Variants in FGF14 observed in about 807,000 individuals in gnomAD.
The protein encoded by FGF14 is fibroblast growth factor homologous factor 4.
In FGF14, 5 loss-of-function variants were observed where a neutral mutation model predicts 25.5. The ratio of observed to expected loss-of-function variants is 0.20; its 90% CI spans 0.10 to 0.41. The LOEUF (loss-of-function observed/expected upper bound fraction) is 0.41, where lower values mean the gene tolerates loss of function less well. FGF14 is among the 10% of genes least tolerant of loss of function. The pLI, the probability that FGF14 is intolerant of heterozygous loss-of-function variation, is 1.00. For synonymous variants in FGF14, 138 were observed against 118.3 expected (o/e 1.17, Z -1.08); for missense variants, 222 against 320.1 (o/e 0.69, Z 2.34).
chr13:102,373,177 G>A (rs1048511816), intron 1 of FGF14, among the ~76,000 whole-genome samples: 1 of 152,134 alleles, frequency 6.6e-6, no homozygotes, highest in African/African-American at 2.4e-5. Context: ...TTGCGTGTTT[G>A]TGTGTGTGGT....
intron 3 of FGF14, among the ~76,000 whole-genome samples, chr13:101,738,633 T>C (rs1032305255): frequency 2.0e-5 from 3 of 152,106 alleles, no homozygotes; most frequent in African/African-American, 7.2e-5. Context: ...GGGGAGAATG[T>C]CAACCTGTGG....
chr13:101,788,909 TAGAGAGAGAGAG>T (rs781347440), intron 3 of FGF14, among the ~76,000 whole-genome samples: 54 of 31,210 alleles, frequency 1.7e-3, no homozygotes, highest in East Asian at 8.8e-3. Context: ...TATATATATA[TAGAGAGAGAGAG>T]AGAGAGAGAG....
intron 1 of FGF14, among the ~76,000 whole-genome samples, chr13:101,982,014 G>C (rs1317826651): frequency 6.6e-6 from 1 of 152,170 alleles, no homozygotes; most frequent in Non-Finnish European, 1.5e-5. Context: ...TTAATGTCTA[G>C]AGTAGTGATT....
In FGF14 at chr13:101,991,617, C is replaced by A. The variant is rs1295117930; in HGVS notation, c.209-116321G>T. 2.6e-5 allele frequency among the ~76,000 whole-genome samples: 4 copies of A among 152,196 alleles called. No homozygotes were observed. The East Asian group carries it at 7.7e-4, about 29-fold the overall frequency. On this transcript the variant is annotated intron_variant, in intron 1 of 4. Coordinates refer to the FGF14 transcript ENST00000376131. ...TATAAGGGAATTGAGATCATAGGAA[C>A]AACTGCTTTTCCCAAAATGGAGAGA...
At position 102,001,107 on chromosome 13, in the gene FGF14, A is replaced by C. The variant is rs534236068; in HGVS notation, c.209-125811T>G. 2.6e-3 allele frequency among the ~76,000 whole-genome samples: 401 copies of C among 152,338 alleles called. 2 individuals are homozygous for C. The highest frequency in any genetic ancestry group is 4.6e-3 in the Non-Finnish European group (314 of 68,032). On this transcript the variant is annotated intron_variant, in intron 1 of 4. Coordinates refer to the FGF14 transcript ENST00000376131. ...TCATGGAAACCAAGAAGGAAGATCTAAAGTATTAAATGTTATGATATAGGC... is the reference window on the plus strand; with the variant it reads ...TCATGGAAACCAAGAAGGAAGATCTCAAGTATTAAATGTTATGATATAGGC...
chr13:101,882,515 A>G (rs2045763843), intron 1 of FGF14, among the ~76,000 whole-genome samples: 1 of 151,858 alleles, frequency 6.6e-6, no homozygotes, highest in African/African-American at 2.4e-5. Context: ...TAGAGCAGTA[A>G]ACTGGGAACT....
At chr13:101,752,527 A>G (rs2037357745) in intron 3 of FGF14, among the ~76,000 whole-genome samples, 1 of 152,224 alleles carries the variant, frequency 6.6e-6, no homozygotes. Flanking sequence ...AGTACTTGGC[A>G]AAGTCAGTCT....
At chr13:101,825,179 C>G (rs938511098) in intron 3 of FGF14, among the ~76,000 whole-genome samples, 2 of 152,160 alleles carry the variant, frequency 1.3e-5, no homozygotes, top group Non-Finnish European at 2.9e-5. Context: ...CAATTAGCAT[C>G]TAAAGTGGGA....
Position 101,713,574 on chromosome 13 carries a change from T to A in FGF14, c.*9257A>T, listed in dbSNP as rs1295546174. On this transcript the variant is annotated 3_prime_UTR_variant, in exon 5 of 5. Transcript: ENST00000376143. ...CATTGTAAAGTCTTTCCTGCTGTCG[T>A]TGAGGCAGTTTTTCCATGTAAGGGT... The A allele has an allele frequency of 2.0e-5, 3 of 152,174 alleles. No individual in the cohort carries two copies. Among genetic ancestry groups the A allele is most frequent in the Non-Finnish European group, 2.9e-5 (2 of 68,036 alleles). 9.4% of individuals were successfully genotyped at this position (152,174 alleles called of 1,614,324 possible). A position where few individuals can be genotyped will look rare whatever the true frequency, so the allele number is the denominator to read the frequency against.
rs1013240626 is a variant in FGF14, at chr13:102,093,389, A to T, written c.209-218093T>A. 4.5e-4 allele frequency among the ~76,000 whole-genome samples: 69 copies of T among 152,204 alleles called. 3 individuals carry two copies. The highest frequency in any genetic ancestry group is 1.5e-5 in the Non-Finnish European group (1 of 68,020). ...TTATAAACACACATAAAGATGCAGT[A>T]TTAAATTATAACTGCACAAAATTAA... On this transcript the variant is annotated intron_variant, in intron 1 of 4. Coordinates refer to the FGF14 transcript ENST00000376131.
intron 1 of FGF14, among the ~76,000 whole-genome samples, chr13:101,994,506 G>A (rs1403163760): frequency 6.6e-6 from 1 of 151,868 alleles, no homozygotes; most frequent in African/African-American, 2.4e-5. Flanking sequence ...GTGTAATGCT[G>A]TTACTTATTT....
intron 1 of FGF14, among the ~76,000 whole-genome samples, chr13:102,270,307 G>A (rs2141157518): frequency 6.6e-6 from 1 of 151,896 alleles, no homozygotes; most frequent in African/African-American, 2.4e-5. Context: ...TTTTTACTCT[G>A]ATTTTTATTT....
chr13:102,395,943 T>A (rs1384364482), intron 1 of FGF14, among the ~76,000 whole-genome samples: 2 of 151,930 alleles, frequency 1.3e-5, no homozygotes, highest in Non-Finnish European at 2.9e-5. Flanking sequence ...CTGACCAAAG[T>A]AAAAAAAATA....
intron 1 of FGF14, among the ~76,000 whole-genome samples, chr13:101,912,092 G>A (rs1206492410): frequency 6.6e-6 from 1 of 151,934 alleles, no homozygotes; most frequent in Non-Finnish European, 1.5e-5. Flanking sequence ...TTGTAAGAAG[G>A]AAGGACACTT....
At chr13:101,921,381 G>A (rs552254652), upstream of FGF14, among the ~76,000 whole-genome samples, 4 of 152,174 alleles carry the variant, frequency 2.6e-5, no homozygotes, top group South Asian at 2.1e-4. Flanking sequence ...GGCCATGAAC[G>A]AACTACTGTT....
chr13:102,301,577 C>A (rs1185331531), intron 1 of FGF14, among the ~76,000 whole-genome samples: 1 of 151,976 alleles, frequency 6.6e-6, no homozygotes, highest in East Asian at 1.9e-4. Flanking sequence ...AGCTTCTGTC[C>A]TCTCCCTCTT....
rs112760060 is a variant in FGF14 at position 101,864,443 on chromosome 13, T to C, written c.408+4282A>G. ...GATTGTCCACAGTTGAAATAGTAAC[T>C]TTAGAATAACCGGCAGAAGTGAGGG... is the stretch of plus-strand genomic sequence containing the variant. On this transcript the variant is annotated intron_variant, in intron 3 of 4. Transcript: ENST00000376143. 4.6e-3 allele frequency among the ~76,000 whole-genome samples: 706 copies of C among 152,214 alleles called. 5 individuals are homozygous for C. The highest frequency in any genetic ancestry group is 0.016 in the African/African-American group (677 of 41,542).
At chr13:102,380,977 A>G (rs947860194) in intron 1 of FGF14, among the ~76,000 whole-genome samples, 1 of 152,178 alleles carries the variant, frequency 6.6e-6, no homozygotes, top group Non-Finnish European at 1.5e-5. Flanking sequence ...TAACCTACTA[A>G]TCATCTTTAC....
intron 3 of FGF14, among the ~76,000 whole-genome samples, chr13:101,808,183 A>T (rs2041305379): frequency 6.6e-6 from 1 of 152,070 alleles, no homozygotes; most frequent in Non-Finnish European, 1.5e-5. Flanking sequence ...AGCTCAAGTG[A>T]TTTGCAGTGT....
Sources: allele counts gnomAD v4.1 joint callset (sites outside exome capture counted in the v4.1 genomes callset), GRCh38; gene constraint gnomAD v4.1.1; transcripts MANE v1.5; gene names NCBI Gene and HGNC (gene_info 2026-07-23, HGNC 2026-07-21).